The following MDH1 variants were observed in gnomAD, a reference collection of about 807,000 sequenced individuals.
MDH1 encodes malate dehydrogenase 1, also known as malate dehydrogenase, cytoplasmic.
In MDH1, 15 loss-of-function variants were observed where a neutral mutation model predicts 38.7. The observed-to-expected ratio is 0.39, with a 90% confidence interval of 0.26 to 0.60. The LOEUF (loss-of-function observed/expected upper bound fraction) is 0.60, where lower values mean the gene tolerates loss of function less well. Among genes scored for constraint, MDH1 ranks in the 20% least tolerant of loss-of-function variants. MDH1 has a pLI of 0.56. For synonymous variants in MDH1, 144 were observed against 143.6 expected, an observed-to-expected ratio of 1.00 and a Z score of -0.02; for missense variants, 368 against 405.2, an observed-to-expected ratio of 0.91 and a Z score of 0.79.
In MDH1 at chr2:63,595,459, A is replaced by T; in HGVS notation, c.139A>T (p.Met47Leu). 6.2e-7 allele frequency: 1 copy of T among 1,613,450 alleles called. No individual in the cohort carries two copies. The highest frequency in any genetic ancestry group is 8.5e-7 in the Non-Finnish European group (1 of 1,179,372). ...TGTGCTGTTGGATATCACCCCCATGATGGGTGTCCTGGACGGTGTCCTAAT... is the reference window on the plus strand; with the variant it reads ...TGTGCTGTTGGATATCACCCCCATGTTGGGTGTCCTGGACGGTGTCCTAAT... ...ILVLLDITPM[M>L]GVLDGVLMEL... Residue 47 changes from methionine to leucine, a missense_variant, in exon 3 of 9, where the codon ATG becomes TTG. Transcript: ENST00000233114.
intron 8 of MDH1, among the ~76,000 whole-genome samples, chr2:63,606,473 C>G (rs1334002678): frequency 6.6e-6 from 1 of 152,174 alleles, no homozygotes; most frequent in African/African-American, 2.4e-5. Context: ...ATTTCAGCTT[C>G]AGGTCATTGA....
chr2:63,605,599 C>T (rs1709512730), intron 7 of MDH1, among the ~76,000 whole-genome samples: 1 of 152,166 alleles, frequency 6.6e-6, no homozygotes, highest in Admixed American at 6.5e-5. Flanking sequence ...CTATTATACA[C>T]AGGGTTGTGA....
chr2:63,606,134 C>CA, intron 8 of MDH1, 106 bp downstream of exon 8: 1 of 1,109,784 alleles, frequency 9.0e-7, no homozygotes, highest in South Asian at 1.3e-5. Context: ...ATAATCCCAA[C>CA]ACTTTGGAAG....
chr2:63,600,478 CTG>C (rs1388705681), intron 5 of MDH1, among the ~76,000 whole-genome samples: 1 of 152,142 alleles, frequency 6.6e-6, no homozygotes, highest in African/African-American at 2.4e-5. Context: ...CTTACTAGCT[CTG>C]TGATTTTGAG....
chr2:63,593,330 G>T, intron 1 of MDH1: 1 of 284,116 alleles, frequency 3.5e-6, no homozygotes. Flanking sequence ...CCAACCTCAG[G>T]TGATCCGCCT....
intron 1 of MDH1, among the ~76,000 whole-genome samples, chr2:63,592,598 G>C (rs1709221374): frequency 6.6e-6 from 1 of 152,206 alleles, no homozygotes. Flanking sequence ...CACCCGCCTT[G>C]TCCCCCCGCG....
Position 63,605,969 on chromosome 2 carries a change from G to T in MDH1, c.820G>T (p.Asp274Tyr). 1 of 1,614,158 alleles carries T rather than the reference G, an allele frequency of 6.2e-7. No homozygotes were observed. The highest frequency in any genetic ancestry group is 8.5e-7 in the Non-Finnish European group (1 of 1,180,000). ...GEFVSMGVIS[D>Y]GNSYGVPDDL... The stretch of plus-strand genomic sequence containing the variant: ...GTTTGTGTCCATGGGTGTTATCTCT[G>T]ATGGCAACTCCTATGGTGTTCCTGA... The change falls in exon 8 of 9, where the codon GAT becomes TAT. Residue 274 changes from aspartate to tyrosine, a missense_variant. By Grantham distance (160) the Asp-to-Tyr change is radical (BLOSUM62 -3). Transcript: ENST00000233114.
chr2:63,603,899 T>G (rs578221931), intron 5 of MDH1, among the ~76,000 whole-genome samples: 3 of 152,262 alleles, frequency 2.0e-5, no homozygotes, highest in Non-Finnish European at 2.9e-5. Flanking sequence ...TCAGGTGATC[T>G]GCCCGCCTTG....
intron 4 of MDH1, chr2:63,597,823 C>A: frequency 3.9e-6 from 1 of 259,716 alleles, no homozygotes; most frequent in South Asian, 1.7e-4. Context: ...AGTATTAGTT[C>A]TTAAACATAT....
At chr2:63,595,816 C>A (rs572967207) in intron 3 of MDH1, among the ~76,000 whole-genome samples, 1 of 151,926 alleles carries the variant, frequency 6.6e-6, no homozygotes, top group Non-Finnish European at 1.5e-5. Flanking sequence ...AAATTGTCTA[C>A]ACACACACAC....
chr2:63,601,816 T>C (rs1709423528), intron 5 of MDH1, among the ~76,000 whole-genome samples: 1 of 152,262 alleles, frequency 6.6e-6, no homozygotes, highest in Non-Finnish European at 1.5e-5. Flanking sequence ...TTATAGGCTC[T>C]AACTTCCTGG....
chr2:63,593,886 T>C (rs1436197662), intron 1 of MDH1, among the ~76,000 whole-genome samples: 1 of 152,226 alleles, frequency 6.6e-6, no homozygotes, highest in Non-Finnish European at 1.5e-5. Flanking sequence ...TGTTGAAATC[T>C]CTGTTTGTAT....
intron 3 of MDH1, among the ~76,000 whole-genome samples, chr2:63,596,532 C>T (rs1709315255): frequency 6.6e-6 from 1 of 152,166 alleles, no homozygotes; most frequent in Non-Finnish European, 1.5e-5. Flanking sequence ...GGTTTGTCCT[C>T]TGCCAGATAT....
chr2:63,594,195 A>G, intron 1 of MDH1: 1 of 529,980 alleles, frequency 1.9e-6, no homozygotes, highest in South Asian at 1.4e-5. Context: ...ATCACCACAT[A>G]CTGAACACAT....
rs377654337 is a variant in MDH1, at chr2:63,605,612, G to A, written c.789+219G>A. 2.2e-4 allele frequency among the ~76,000 whole-genome samples: 33 copies of A among 152,300 alleles called. 1 individual carries two copies. The South Asian group carries it at 6.8e-3, about 32-fold the overall frequency. On this transcript the variant is annotated intron_variant, in intron 7 of 8. Coordinates refer to ENST00000233114, the MANE Select transcript of MDH1 (RefSeq NM_005917.4). ...TACTATTATACACAGGGTTGTGAGG[G>A]TTAAAGGAGATTGCACATGGAAAAC... is the stretch of plus-strand genomic sequence containing the variant.
At chr2:63,590,082 C>A (rs1268998669) in intron 1 of MDH1, 1 of 152,380 alleles carries the variant, frequency 6.6e-6, no homozygotes, top group Non-Finnish European at 1.5e-5. Context: ...CTACTAATTT[C>A]CAGTAGGTGT....
intron 8 of MDH1, among the ~76,000 whole-genome samples, 195 bp downstream of exon 8, chr2:63,606,223 A>G (rs1709525726): frequency 6.6e-6 from 1 of 152,174 alleles, no homozygotes; most frequent in Admixed American, 6.5e-5. Context: ...CTCTGCAAAA[A>G]TAAAATAATT....
intron 4 of MDH1, among the ~76,000 whole-genome samples, chr2:63,598,896 CAAA>C (rs1333463606): frequency 1.1e-4 from 8 of 72,222 alleles, no homozygotes; most frequent in African/African-American, 9.6e-5. Flanking sequence ...AAAGAGGTAC[CAAA>C]AAAAAAAAAA....
chr2:63,589,240 G>C, intron 1 of MDH1, 194 bp downstream of exon 1: 2 of 1,555,186 alleles, frequency 1.3e-6, no homozygotes, highest in South Asian at 2.4e-5. Context: ...CACCTTGCGG[G>C]GTATGGGGCG....
Sources: gnomAD v4.1 joint callset for allele counts (sites outside exome capture counted in the v4.1 genomes callset) on GRCh38, gnomAD v4.1.1 for gene constraint, MANE v1.5 for transcripts, NCBI Gene and HGNC (gene_info 2026-07-23, HGNC 2026-07-21) for gene names.